The following USP13 variants were observed in gnomAD, a reference collection of about 807,000 sequenced individuals.
USP13 encodes the protein ubiquitin carboxyl-terminal hydrolase 13.
Under a neutral mutation model 107.8 loss-of-function variants are expected in USP13, and 68 were observed. That is an observed-to-expected ratio of 0.63 (90% confidence interval 0.52 to 0.77). The LOEUF (loss-of-function observed/expected upper bound fraction) is 0.77. USP13 is among the 30% of genes least tolerant of loss of function. USP13 has a pLI of 0.00. For synonymous variants in USP13, 377 were observed against 389.5 expected (o/e 0.97, Z 0.38); for missense variants, 945 against 1,093.3 (o/e 0.86, Z 1.91).
At chr3:179,744,172 T>C (rs777084509) in intron 12 of USP13, among the ~76,000 whole-genome samples, 6 of 152,172 alleles carry the variant, frequency 3.9e-5, no homozygotes, top group Non-Finnish European at 7.3e-5. Flanking sequence ...TGTTGGTTAC[T>C]GTCATGGGTT....
chr3:179,755,827 T>C (rs1185025010), intron 15 of USP13, among the ~76,000 whole-genome samples: 1 of 152,178 alleles, frequency 6.6e-6, no homozygotes, highest in Non-Finnish European at 1.5e-5. Context: ...TTTCCATCAG[T>C]TAAGCAGTGA....
At chr3:179,697,184 A>T (rs1712356309) in intron 3 of USP13, among the ~76,000 whole-genome samples, 1 of 152,206 alleles carries the variant, frequency 6.6e-6, no homozygotes, top group African/African-American at 2.4e-5. Flanking sequence ...GAAAACAGAA[A>T]ATTTGTGCAA....
intron 17 of USP13, among the ~76,000 whole-genome samples, chr3:179,762,931 G>C (rs1190228207): frequency 6.6e-6 from 1 of 152,110 alleles, no homozygotes; most frequent in Admixed American, 6.5e-5. Context: ...ACCCATCCCA[G>C]TGGGTATGAA....
At chr3:179,726,606 C>A (rs1294586694) in intron 8 of USP13, among the ~76,000 whole-genome samples, 2 of 151,740 alleles carry the variant, frequency 1.3e-5, no homozygotes, top group African/African-American at 4.8e-5. Context: ...ACACAGCCAG[C>A]AGAGTGGTTC....
intron 1 of USP13, among the ~76,000 whole-genome samples, chr3:179,660,540 C>A (rs1002488225): frequency 7.2e-5 from 11 of 152,172 alleles, no homozygotes; most frequent in Non-Finnish European, 4.4e-5. Flanking sequence ...TGTTAATGGA[C>A]ATCGGGTTGT....
intron 8 of USP13, among the ~76,000 whole-genome samples, chr3:179,725,185 C>T (rs1463276941): frequency 6.6e-6 from 1 of 152,214 alleles, no homozygotes; most frequent in African/African-American, 2.4e-5. Context: ...GTACTCCATC[C>T]TGGGCGAGGG....
intron 8 of USP13, among the ~76,000 whole-genome samples, chr3:179,724,247 C>G (rs1431230119): frequency 6.6e-6 from 1 of 151,778 alleles, no homozygotes; most frequent in Non-Finnish European, 1.5e-5. Flanking sequence ...CACCTGAGAT[C>G]AGGGGTTTGA....
chr3:179,771,987 T>A (rs138760282), intron 19 of USP13, among the ~76,000 whole-genome samples: 1 of 152,292 alleles, frequency 6.6e-6, no homozygotes, highest in East Asian at 1.9e-4. Flanking sequence ...TCACTGCTTA[T>A]AGGGAGGTAT....
chr3:179,654,812 T>G (rs1361411293), intron 1 of USP13, among the ~76,000 whole-genome samples: 1 of 152,234 alleles, frequency 6.6e-6, no homozygotes, highest in African/African-American at 2.4e-5. Flanking sequence ...TTCAAAGCAC[T>G]TTTGCTCGAC....
intron 8 of USP13, among the ~76,000 whole-genome samples, chr3:179,726,940 A>C (rs1713541239): frequency 6.6e-6 from 1 of 151,974 alleles, no homozygotes; most frequent in Non-Finnish European, 1.5e-5. Flanking sequence ...CGGCTTCCAA[A>C]AGTACTGGGA....
intron 9 of USP13, 144 bp from the exon 10 acceptor site, chr3:179,730,472 C>G: frequency 2.4e-6 from 2 of 848,462 alleles, no homozygotes; most frequent in Non-Finnish European, 3.6e-6. Flanking sequence ...GAAGCAGAAT[C>G]AAATAAATAA....
intron 3 of USP13, among the ~76,000 whole-genome samples, chr3:179,699,950 G>C (rs909608212): frequency 6.6e-6 from 1 of 151,828 alleles, no homozygotes; most frequent in Admixed American, 6.6e-5. Context: ...TCTGTCTATA[G>C]AGCCTATGTT....
chr3:179,721,338 C>A lies in USP13; in HGVS notation c.901-64C>A. ...ATCCTATGCTGTTAGAAATAATTAA[C>A]GGGACATGACCTTTGAATGGGAATC... On this transcript the variant is annotated intron_variant, in intron 7 of 20. Coordinates refer to ENST00000263966, the MANE Select transcript of USP13 (RefSeq NM_003940.3). This position sits in a 1 kb window ranked among gnomAD's most constrained non-coding sequence, Gnocchi z 4.3. 6.6e-7 allele frequency: 1 copy of A among 1,517,216 alleles called. No individual in the cohort carries two copies. The highest frequency in any genetic ancestry group is 8.9e-7 in the Non-Finnish European group (1 of 1,119,780). 94.0% of individuals were successfully genotyped at this position (1,517,216 alleles called of 1,614,324 possible).
intron 19 of USP13, among the ~76,000 whole-genome samples, chr3:179,771,168 CCA>C (rs1453495299): frequency 6.6e-6 from 1 of 152,136 alleles, no homozygotes; most frequent in African/African-American, 2.4e-5. Flanking sequence ...GGTTCCAGTC[CCA>C]GACAGGCTCT....
At chr3:179,732,174 T>G (rs980660003) in intron 10 of USP13, among the ~76,000 whole-genome samples, 4 of 152,176 alleles carry the variant, frequency 2.6e-5, no homozygotes. Flanking sequence ...CATTGTAAGA[T>G]AGCAAGGTCC....
chr3:179,702,077 T>C (rs1712548826), intron 4 of USP13, among the ~76,000 whole-genome samples: 1 of 152,154 alleles, frequency 6.6e-6, no homozygotes, highest in South Asian at 2.1e-4. Context: ...TGGAGTGCCG[T>C]GGCGCGATCT....
intron 1 of USP13, among the ~76,000 whole-genome samples, chr3:179,677,409 C>T (rs1398228300): frequency 2.6e-5 from 4 of 151,804 alleles, no homozygotes; most frequent in East Asian, 2.0e-4. Context: ...GGAGAAACCC[C>T]GTCTCTACTG....
rs763304833 is a variant in USP13, at chr3:179,754,828, C to G, written c.1895C>G (p.Pro632Arg). The change falls in exon 15 of 21, where the codon CCC becomes CGC. Residue 632 changes from proline to arginine, a missense_variant. Coordinates refer to ENST00000263966, the MANE Select transcript of USP13 (RefSeq NM_003940.3). The stretch of plus-strand genomic sequence containing the variant: ...GAAGAACTTCCAGACATCAGCCCCC[C>G]CATAGTCATTCCTGATGACTCAAAA... ...GEEELPDISP[P>R]IVIPDDSKDR... 29 of 1,612,426 alleles carry G rather than the reference C, an allele frequency of 1.8e-5. No individual in the cohort carries two copies. Among genetic ancestry groups the G allele is most frequent in the Admixed American group, 3.3e-5 (2 of 59,706 alleles).
At chr3:179,718,508 G>A (rs1371509660) in intron 6 of USP13, among the ~76,000 whole-genome samples, 3 of 152,100 alleles carry the variant, frequency 2.0e-5, no homozygotes, top group South Asian at 2.1e-4. Context: ...AGAAGATTGG[G>A]CCAGGAGTTA....
Sources: allele counts gnomAD v4.1 joint callset (sites outside exome capture counted in the v4.1 genomes callset), GRCh38; gene constraint gnomAD v4.1.1; non-coding constraint Gnocchi (gnomAD v3.1); transcripts MANE v1.5; gene names NCBI Gene and HGNC (gene_info 2026-07-23, HGNC 2026-07-21).